The following ANKRD17 variants were observed in gnomAD, a reference collection of about 807,000 sequenced individuals.
The protein encoded by ANKRD17 is ankyrin repeat domain 17.
ANKRD17 carries 19 observed loss-of-function variants against 229.7 expected under a neutral mutation model. That is an observed-to-expected ratio of 0.08 (90% confidence interval 0.06 to 0.12). The LOEUF (loss-of-function observed/expected upper bound fraction) is 0.12, where lower values mean the gene tolerates loss of function less well. Among genes scored for constraint, ANKRD17 ranks in the 10% least tolerant of loss-of-function variants. The pLI is 1.00. For missense variants in ANKRD17, 2,176 were observed against 3,176.8 expected (o/e 0.68, Z 7.57); for synonymous variants, 1,112 against 1,146.1 (o/e 0.97, Z 0.60).
chr4:73,185,750 T>G (rs1025297852), intron 1 of ANKRD17, among the ~76,000 whole-genome samples: 5 of 152,006 alleles, frequency 3.3e-5, no homozygotes, highest in African/African-American at 4.8e-5. Flanking sequence ...ATTATATAAC[T>G]CATACATATA....
rs775320916 is a variant in ANKRD17 at position 73,258,338 on chromosome 4, T to TGCCGCCGCC, written c.322_330dup (p.Gly108_Gly110dup). 1.9e-6 allele frequency: 3 copies of TGCCGCCGCC among 1,613,064 alleles called. No individual in the cohort carries two copies. The highest frequency in any genetic ancestry group is 1.7e-5 in the Admixed American group (1 of 59,994). On this transcript the variant is annotated inframe_insertion, in exon 1 of 34. Coordinates refer to ENST00000358602, the MANE Select transcript of ANKRD17 (RefSeq NM_032217.5). ...TCTTCCTCGCTGTTGTTACTGCTGG[T>TGCCGCCGCC]GCCGCCGCCGCCACCTCCGCCTCCA... is the stretch of plus-strand genomic sequence containing the variant.
rs750971624 is a variant in ANKRD17 at position 73,161,323 on chromosome 4, A to G, written c.573T>C (p.Asp191=). 2 of 1,614,216 alleles carry G rather than the reference A, an allele frequency of 1.2e-6. No individual in the cohort carries two copies. Among genetic ancestry groups the G allele is most frequent in the South Asian group, 2.2e-5 (2 of 91,084 alleles). ...AAGIGKLSTA[D]GKAFADPEVL... is the part of the protein sequence containing the mutation. ...CTTCAGGATCTGCAAAGGCTTTACC[A>G]TCAGCCGTGGACAATTTTCCTATTC... is the stretch of plus-strand genomic sequence containing the variant. The change falls in exon 3 of 34, where the codon GAT becomes GAC. Residue 191 remains aspartate (D), a synonymous_variant. Coordinates refer to ENST00000358602, the MANE Select transcript of ANKRD17 (RefSeq NM_032217.5).
At chr4:73,251,918 G>T (rs961898861) in intron 1 of ANKRD17, among the ~76,000 whole-genome samples, 16 of 152,238 alleles carry the variant, frequency 1.1e-4, no homozygotes, top group Middle Eastern at 3.4e-3. Flanking sequence ...ATTAAACACT[G>T]AAAACTTTCA....
At chr4:73,131,135 T>A (rs1349028818) in intron 16 of ANKRD17, among the ~76,000 whole-genome samples, 2 of 152,324 alleles carry the variant, frequency 1.3e-5, no homozygotes, top group South Asian at 2.1e-4. Context: ...CAGCAAAGTA[T>A]GTGGTATTCA....
intron 1 of ANKRD17, among the ~76,000 whole-genome samples, chr4:73,197,863 A>G (rs1738110288): frequency 6.6e-6 from 1 of 152,206 alleles, no homozygotes; most frequent in African/African-American, 2.4e-5. Context: ...ACATTGAGCT[A>G]AACTGAAGAA....
chr4:73,114,770 T>G (rs902448068), intron 23 of ANKRD17, among the ~76,000 whole-genome samples: 7 of 152,216 alleles, frequency 4.6e-5, no homozygotes, highest in African/African-American at 1.7e-4. Context: ...CTAGCTAGTT[T>G]AAATTAAAAC....
chr4:73,177,366 T>G lies in ANKRD17; in HGVS notation c.547+14A>C, dbSNP rs370561501. On this transcript the variant is annotated intron_variant, in intron 2 of 33. Transcript: ENST00000358602. Reference sequence around the variant, plus strand: ...ACATAACAAGGTAGACTTATTACTATGTAGAGTACATACCTGCAGCTTCTA... The same window carrying G: ...ACATAACAAGGTAGACTTATTACTAGGTAGAGTACATACCTGCAGCTTCTA... 2.2e-5 allele frequency: 35 copies of G among 1,561,434 alleles called. No individual in the cohort carries two copies. The highest frequency in any genetic ancestry group is 2.7e-5 in the Non-Finnish European group (31 of 1,149,382).
intron 24 of ANKRD17, among the ~76,000 whole-genome samples, chr4:73,108,862 T>C (rs1262980898): frequency 5.3e-5 from 8 of 151,980 alleles, no homozygotes; most frequent in African/African-American, 1.9e-4. Context: ...GTGTTTAAGA[T>C]TGGAGAAATA....
At chr4:73,094,422 T>C (rs1023400710) in intron 27 of ANKRD17, among the ~76,000 whole-genome samples, 194 bp from the exon 28 acceptor site, 2 of 152,312 alleles carry the variant, frequency 1.3e-5, no homozygotes, top group Admixed American at 6.5e-5. Context: ...TAAGCTTTAT[T>C]ATAGCTTCTC....
chr4:73,150,948 T>C (rs948706540), intron 7 of ANKRD17, among the ~76,000 whole-genome samples: 2 of 152,228 alleles, frequency 1.3e-5, no homozygotes, highest in East Asian at 1.9e-4. Flanking sequence ...AATTTTTGTT[T>C]AGTCAATTTA....
rs770468315 is a variant in ANKRD17, at chr4:73,075,591, A to C, written c.*640T>G. On this transcript the variant is annotated 3_prime_UTR_variant, in exon 34 of 34. Coordinates refer to ENST00000358602, the MANE Select transcript of ANKRD17 (RefSeq NM_032217.5). ...GCCTTGCTACAAATAAACCAAAAAG[A>C]AAGCAAGATGGGTATTTTAAAAGCC... 1.7e-4 allele frequency: 26 copies of C among 152,610 alleles called. No individual in the cohort carries two copies. Among genetic ancestry groups the C allele is most frequent in the South Asian group, 2.1e-4 (1 of 4,834 alleles). 9.5% of individuals were successfully genotyped at this position (152,610 alleles called of 1,614,324 possible). A position where few individuals can be genotyped will look rare whatever the true frequency, so the allele number is the denominator to read the frequency against.
rs374160210 is a variant in ANKRD17, at chr4:73,140,536, T to C, written c.2333-253A>G. On this transcript the variant is annotated intron_variant, in intron 14 of 33. Transcript: ENST00000358602. ...ATAGCACATGGCTTAAATTAGACAA[T>C]AGAGGAATGCAGGTTTGTGATATCT... 2.6e-5 allele frequency among the ~76,000 whole-genome samples: 4 copies of C among 152,278 alleles called. No individual in the cohort carries two copies. In the South Asian group the frequency reaches 6.2e-4, roughly 24 times the overall value.
intron 24 of ANKRD17, among the ~76,000 whole-genome samples, chr4:73,103,096 G>GTT (rs1402756622): frequency 6.6e-6 from 1 of 151,868 alleles, no homozygotes; most frequent in African/African-American, 2.4e-5. Context: ...AACAAGGTAA[G>GTT]TCTGTCAATG....
intron 1 of ANKRD17, among the ~76,000 whole-genome samples, chr4:73,212,455 T>C (rs140013450): frequency 1.1e-3 from 174 of 152,346 alleles, no homozygotes; most frequent in African/African-American, 3.8e-3. Context: ...TTAAATGATA[T>C]ATGTAGGGCT....
At chr4:73,207,211 T>C (rs900960531) in intron 1 of ANKRD17, among the ~76,000 whole-genome samples, 1 of 152,186 alleles carries the variant, frequency 6.6e-6, no homozygotes, top group Non-Finnish European at 1.5e-5. Flanking sequence ...TGTAGCCATT[T>C]CACAATGTAT....
chr4:73,101,575 G>T (rs1291824681), intron 25 of ANKRD17, among the ~76,000 whole-genome samples: 1 of 145,204 alleles, frequency 6.9e-6, no homozygotes. Flanking sequence ...TAAGGTGGGA[G>T]AATAGCTTGA....
intron 1 of ANKRD17, among the ~76,000 whole-genome samples, chr4:73,196,356 G>T (rs1053726529): frequency 2.0e-5 from 3 of 151,952 alleles, no homozygotes; most frequent in South Asian, 2.1e-4. Flanking sequence ...CTTCCATTCT[G>T]CCTGCTTTGG....
chr4:73,109,820 G>A (rs536880053), intron 24 of ANKRD17, among the ~76,000 whole-genome samples: 45 of 151,980 alleles, frequency 3.0e-4, no homozygotes, highest in African/African-American at 9.2e-4. Context: ...ACAATGAAAG[G>A]GTAGTATGAC....
Position 73,076,159 on chromosome 4 carries a change from AAT to A in ANKRD17, c.*70_*71del. The stretch of plus-strand genomic sequence containing the variant: ...CATCAGTAGAATGATTTGGGAGCAT[AAT>A]TTTTTTTTTCGGCCACTTGTGATTT... On this transcript the variant is annotated 3_prime_UTR_variant, in exon 34 of 34. Transcript: ENST00000358602. 1 of 1,402,680 alleles carries A rather than the reference AAT, an allele frequency of 7.1e-7. No homozygotes were observed. Among genetic ancestry groups the A allele is most frequent in the Admixed American group, 2.2e-5 (1 of 46,376 alleles). 86.9% of individuals were successfully genotyped at this position (1,402,680 alleles called of 1,614,324 possible).
Sources: gnomAD v4.1 joint callset for allele counts (sites outside exome capture counted in the v4.1 genomes callset) on GRCh38, gnomAD v4.1.1 for gene constraint, MANE v1.5 for transcripts, NCBI Gene and HGNC (gene_info 2026-07-23, HGNC 2026-07-21) for gene names.